AHI1: variants seen among roughly 807,000 people sequenced by gnomAD.
The protein encoded by AHI1 is jouberin.
AHI1 carries 123 observed loss-of-function variants against 149.3 expected under a neutral mutation model. The ratio of observed to expected loss-of-function variants is 0.82; its 90% CI spans 0.71 to 0.96. The LOEUF (loss-of-function observed/expected upper bound fraction) is 0.96, where lower values mean the gene tolerates loss of function less well. Ranked by LOEUF, AHI1 falls within the 40% of genes least tolerant of loss-of-function variation. The pLI is 0.00. For synonymous variants in AHI1, 475 were observed against 459.8 expected, an observed-to-expected ratio of 1.03 and a Z score of -0.42; for missense variants, 1,439 against 1,422.7, an observed-to-expected ratio of 1.01 and a Z score of -0.18.
chr6:135,309,049 A>G (rs970153778), intron 26 of AHI1, among the ~76,000 whole-genome samples: 27 of 152,252 alleles, frequency 1.8e-4, no homozygotes, highest in Admixed American at 1.6e-3. Context: ...CATATATCAA[A>G]TACAATGGCA....
At chr6:135,488,627 T>C (rs1248928314) in intron 5 of AHI1, among the ~76,000 whole-genome samples, 1 of 152,174 alleles carries the variant, frequency 6.6e-6, no homozygotes, top group Admixed American at 6.5e-5. Context: ...GATTTAGAAA[T>C]AATATTTGTA....
At chr6:135,321,393 T>C (rs368154100) in intron 25 of AHI1, among the ~76,000 whole-genome samples, 4 of 152,292 alleles carry the variant, frequency 2.6e-5, no homozygotes, top group African/African-American at 7.2e-5. Context: ...TTGAGACACA[T>C]AGAACTTTTT....
chr6:135,441,706 C>T (rs1490877417), intron 14 of AHI1, among the ~76,000 whole-genome samples: 1 of 152,140 alleles, frequency 6.6e-6, no homozygotes, highest in Non-Finnish European at 1.5e-5. Context: ...CTATTAATAA[C>T]TTAGGAGCAT....
chr6:135,402,035 T>A (rs2128494078), intron 22 of AHI1, among the ~76,000 whole-genome samples: 1 of 152,128 alleles, frequency 6.6e-6, no homozygotes, highest in South Asian at 2.1e-4. Context: ...TAAACAGACA[T>A]TTCTCCAGAA....
At chr6:135,301,033 T>C (rs1783814398) in intron 26 of AHI1, 1 of 984,878 alleles carries the variant, frequency 1.0e-6, no homozygotes, top group South Asian at 4.7e-5. Flanking sequence ...TCAGTATATC[T>C]TGTTTTATTA....
chr6:135,374,059 C>A (rs1048293522), intron 23 of AHI1, among the ~76,000 whole-genome samples: 1 of 133,062 alleles, frequency 7.5e-6, no homozygotes, highest in Non-Finnish European at 1.6e-5. Flanking sequence ...AGGCAGAGAT[C>A]TTTTCTGCTA....
intron 5 of AHI1, 44 bp from the exon 6 acceptor site, chr6:135,467,678 G>T: frequency 2.2e-6 from 3 of 1,390,740 alleles, no homozygotes; most frequent in Non-Finnish European, 3.0e-6. Flanking sequence ...GCGTAGATTA[G>T]TTGTATCAAG....
chr6:135,493,183 G>A (rs558906171), intron 3 of AHI1, among the ~76,000 whole-genome samples: 1 of 152,066 alleles, frequency 6.6e-6, no homozygotes, highest in East Asian at 1.9e-4. Flanking sequence ...ATTTTTAGTA[G>A]AGACAGGGTT....
chr6:135,358,417 G>T (rs1793327052), intron 23 of AHI1, among the ~76,000 whole-genome samples: 1 of 152,158 alleles, frequency 6.6e-6, no homozygotes, highest in Non-Finnish European at 1.5e-5. Flanking sequence ...CCATTCAAGT[G>T]ATGTCTAGCA....
intron 9 of AHI1, among the ~76,000 whole-genome samples, chr6:135,456,656 A>T (rs1379134337): frequency 1.3e-5 from 2 of 152,150 alleles, no homozygotes; most frequent in East Asian, 3.9e-4. Flanking sequence ...TGAATAGGTG[A>T]ATGGGCTTTT....
chr6:135,364,057 G>A (rs1794460038), intron 23 of AHI1, among the ~76,000 whole-genome samples: 1 of 150,800 alleles, frequency 6.6e-6, no homozygotes, highest in Non-Finnish European at 1.5e-5. Flanking sequence ...AGGGCGGCTG[G>A]CCGGGCGGGG....
At chr6:135,328,569 C>T (rs1448836047) in intron 24 of AHI1, among the ~76,000 whole-genome samples, 1 of 152,068 alleles carries the variant, frequency 6.6e-6, no homozygotes, top group South Asian at 2.1e-4. Context: ...AACCTCCACC[C>T]TCTTACCCCC....
At position 135,290,483 on chromosome 6, in the gene AHI1, G is replaced by C; in HGVS notation, c.3528C>G (p.His1176Gln). Residue 1176 changes from histidine to glutamine, a missense_variant, in exon 28 of 29, where the codon CAC becomes CAG. Transcript: ENST00000265602. The stretch of plus-strand genomic sequence containing the variant: ...TCTTCCTCATCCGTGTATCCATTAT[G>C]TGTCCTTGGTCCTCATGGCTCTGTT... Reference protein sequence around the residue: ...RKEQSHEDQGHIMDTRMRKNK... With the variant: ...RKEQSHEDQGQIMDTRMRKNK... 13 of 1,613,726 alleles carry C rather than the reference G, an allele frequency of 8.1e-6. No individual in the cohort carries two copies. The highest frequency in any genetic ancestry group is 9.3e-6 in the Non-Finnish European group (11 of 1,179,730).
chr6:135,437,982 T>C (rs547239786), intron 15 of AHI1, among the ~76,000 whole-genome samples: 1 of 152,264 alleles, frequency 6.6e-6, no homozygotes, highest in South Asian at 2.1e-4. Context: ...TCTACTGTGA[T>C]ATACTGAGCA....
chr6:135,293,336 A>C (rs1307949127), intron 27 of AHI1, among the ~76,000 whole-genome samples: 7 of 142,986 alleles, frequency 4.9e-5, no homozygotes, highest in Admixed American at 2.9e-4. Context: ...AAGAATGTCT[A>C]TTCTGACTAG....
intron 28 of AHI1, among the ~76,000 whole-genome samples, chr6:135,289,641 A>C (rs1317804735): frequency 6.6e-6 from 1 of 152,016 alleles, no homozygotes; most frequent in Admixed American, 6.5e-5. Flanking sequence ...AATCTGTTTT[A>C]TAATGTTTTC....
intron 9 of AHI1, among the ~76,000 whole-genome samples, chr6:135,456,311 C>G (rs1231349986): frequency 6.6e-6 from 1 of 152,142 alleles, no homozygotes; most frequent in East Asian, 1.9e-4. Context: ...GAGGCTGAGG[C>G]AGGTGGACTG....
Position 135,420,256 on chromosome 6 carries a change from CT to C in AHI1, c.2764+6910del, listed in dbSNP as rs1314949736. 4.6e-5 allele frequency among the ~76,000 whole-genome samples: 7 copies of C among 152,266 alleles called. No individual in the cohort carries two copies. The East Asian group carries it at 1.2e-3, about 25-fold the overall frequency. ...TTACTGGCATTTAGAAAGGTGAATCCTTTCCAGGTTTTCAAGGTACTTTGCC... is the reference window on the plus strand; with the variant it reads ...TTACTGGCATTTAGAAAGGTGAATCCTTCCAGGTTTTCAAGGTACTTTGCC... On this transcript the variant is annotated intron_variant, in intron 20 of 28. Coordinates refer to ENST00000265602, the MANE Select transcript of AHI1 (RefSeq NM_001134831.2).
Position 135,442,612 on chromosome 6 carries a change from A to T in AHI1, c.1882T>A (p.Cys628Ser). 2 of 1,609,772 alleles carry T rather than the reference A, an allele frequency of 1.2e-6. No homozygotes were observed. Among genetic ancestry groups the T allele is most frequent in the Non-Finnish European group, 1.7e-6 (2 of 1,177,752 alleles). The change falls in exon 14 of 29, where the codon TGT (cysteine) becomes AGT (serine). Residue 628 changes from cysteine to serine, a missense_variant. Physicochemically the swap from Cys to Ser is moderately radical, Grantham distance 112. Transcript: ENST00000265602. ...ATTGGATATCCATCCCGGCTGGCAC[A>T]AGCTGCTGCTAATATTCTTCCATTG... ...SHNGRILAAA[C>S]ASRDGYPIIL... is the part of the protein sequence containing the mutation.
Sources: allele counts gnomAD v4.1 joint callset (sites outside exome capture counted in the v4.1 genomes callset), GRCh38; gene constraint gnomAD v4.1.1; transcripts MANE v1.5; gene names NCBI Gene and HGNC (gene_info 2026-07-23, HGNC 2026-07-21).